Variants in TAB2 observed in about 807,000 individuals in gnomAD.
TAB2 encodes the protein TGF-beta activated kinase 1 (MAP3K7) binding protein 2.
In TAB2, 3 loss-of-function variants were observed where a neutral mutation model predicts 65.0. The ratio of observed to expected loss-of-function variants is 0.05; its 90% confidence interval spans 0.02 to 0.12. The LOEUF (loss-of-function observed/expected upper bound fraction) is 0.12. TAB2 is among the 10% of genes least tolerant of loss of function. The pLI, the probability that TAB2 is intolerant of heterozygous loss-of-function variation, is 1.00. For synonymous variants in TAB2, 298 were observed against 285.1 expected (o/e 1.05, Z -0.46); for missense variants, 623 against 840.3 (o/e 0.74, Z 3.20).
intron 1 of TAB2, among the ~76,000 whole-genome samples, chr6:149,309,185 G>A (rs9498316): frequency 0.072 from 10,991 of 152,000 alleles, 460 homozygotes; most frequent in East Asian, 0.15. Flanking sequence ...TGATATTTAA[G>A]TCATATACTT....
intron 1 of TAB2, among the ~76,000 whole-genome samples, chr6:149,322,043 TAAAGAG>T (rs1779472073): frequency 6.6e-6 from 1 of 152,106 alleles, no homozygotes; most frequent in African/African-American, 2.4e-5. Flanking sequence ...TCCTGCATAA[TAAAGAG>T]AAAGGAACTA....
intron 1 of TAB2, among the ~76,000 whole-genome samples, chr6:149,219,057 T>C (rs1420465741): frequency 1.3e-5 from 2 of 152,216 alleles, no homozygotes; most frequent in Admixed American, 1.3e-4. Flanking sequence ...AAACCCTCTT[T>C]CATTGTCACT....
chr6:149,310,701 G>A (rs1779152572), intron 1 of TAB2, among the ~76,000 whole-genome samples: 1 of 151,990 alleles, frequency 6.6e-6, no homozygotes, highest in South Asian at 2.1e-4. Context: ...GCTCAAGAAG[G>A]CCCCCAGGAG....
At chr6:149,380,901 G>A (rs62426113) in intron 3 of TAB2, among the ~76,000 whole-genome samples, 2,449 of 152,190 alleles carry the variant, frequency 0.016, 36 homozygotes, top group Non-Finnish European at 0.023. Flanking sequence ...GTGATTCTTA[G>A]TCCAAGCTGG....
At chr6:149,404,597 G>T (rs572210214) in intron 6 of TAB2, among the ~76,000 whole-genome samples, 10 of 152,264 alleles carry the variant, frequency 6.6e-5, no homozygotes, top group Non-Finnish European at 8.8e-5. Context: ...TTGACCAATG[G>T]AACAGAATAG....
chr6:149,348,016 T>G (rs1780359949), intron 1 of TAB2, among the ~76,000 whole-genome samples: 1 of 152,208 alleles, frequency 6.6e-6, no homozygotes, highest in African/African-American at 2.4e-5. Flanking sequence ...CACTTCTTTC[T>G]GTGGTAAAGG....
chr6:149,253,180 G>A (rs1237116052), intron 1 of TAB2: 3 of 152,262 alleles, frequency 2.0e-5, no homozygotes, highest in African/African-American at 7.2e-5. Context: ...GTACTTGGCT[G>A]AGGAAGGGAG....
chr6:149,378,689 T>C lies in TAB2; in HGVS notation c.774T>C (p.Thr258=), dbSNP rs368534604. 4 of 1,613,958 alleles carry C rather than the reference T, an allele frequency of 2.5e-6. No individual in the cohort carries two copies. Among genetic ancestry groups the C allele is most frequent in the Middle Eastern group, 1.6e-4 (1 of 6,062 alleles). ...CTTCACAGCCTGGTCCCTGGACTAC[T>C]TGTCCTGCATCTAATCCTCTGTCAC... is the stretch of plus-strand genomic sequence containing the variant. ...YQPSQPGPWT[T]CPASNPLSHT... is the part of the protein sequence containing the mutation. Residue 258 remains threonine, a synonymous_variant, in exon 3 of 7, where the codon ACT becomes ACC. Transcript: ENST00000637181.
chr6:149,337,138 A>G (rs1779958209), intron 1 of TAB2, among the ~76,000 whole-genome samples: 1 of 151,978 alleles, frequency 6.6e-6, no homozygotes, highest in South Asian at 2.1e-4. Flanking sequence ...TTTTTATTAG[A>G]CTCCCACTAG....
chr6:149,312,561 C>T (rs537607255), intron 1 of TAB2, among the ~76,000 whole-genome samples: 1 of 152,354 alleles, frequency 6.6e-6, no homozygotes, highest in South Asian at 2.1e-4. Context: ...TGGCGTTTCG[C>T]CATGTTGGCC....
intron 3 of TAB2, among the ~76,000 whole-genome samples, chr6:149,380,626 C>G (rs1245273211): frequency 6.6e-6 from 1 of 152,062 alleles, no homozygotes; most frequent in Non-Finnish European, 1.5e-5. Flanking sequence ...TATTCATTTT[C>G]TTGAATATTT....
At chr6:149,368,145 A>G (rs371327270) in intron 1 of TAB2, among the ~76,000 whole-genome samples, 15 of 152,290 alleles carry the variant, frequency 9.8e-5, no homozygotes, top group African/African-American at 3.6e-4. Context: ...GGATCCAGCA[A>G]AGTAAACTGA....
chr6:149,315,793 C>G (rs1433886782), upstream of TAB2, among the ~76,000 whole-genome samples: 1 of 152,208 alleles, frequency 6.6e-6, no homozygotes, highest in Non-Finnish European at 1.5e-5. Flanking sequence ...CTACATAGCT[C>G]TAAGTGCACT....
chr6:149,299,911 AG>A (rs1309142531), intron 1 of TAB2, among the ~76,000 whole-genome samples: 2 of 152,000 alleles, frequency 1.3e-5, no homozygotes, highest in Non-Finnish European at 2.9e-5. Context: ...TGGAGGTTGA[AG>A]CAGGAGGATC....
chr6:149,309,711 T>TA (rs1779134972), intron 1 of TAB2, among the ~76,000 whole-genome samples: 1 of 105,856 alleles, frequency 9.4e-6, no homozygotes, highest in African/African-American at 4.3e-5. Flanking sequence ...TTATTCCTCT[T>TA]TAAAAAAAAA....
At chr6:149,314,563 T>C (rs1583079873), upstream of TAB2, among the ~76,000 whole-genome samples, 1 of 152,338 alleles carries the variant, frequency 6.6e-6, no homozygotes, top group East Asian at 1.9e-4. Flanking sequence ...CCCTGATATC[T>C]CTTCCACTTC....
Position 149,260,730 on chromosome 6 carries a change from C to G in TAB2, c.-121+41954C>G, listed in dbSNP as rs934678412. 5.9e-5 allele frequency among the ~76,000 whole-genome samples: 9 copies of G among 152,116 alleles called. No individual in the cohort carries two copies. In the East Asian group the frequency reaches 1.3e-3, roughly 23 times the overall value. ...TCACTGAGAAGCGCTGAGAAGGGAG[C>G]CTGCTGGGTGCTGAAAGTGTGCTCT... On this transcript the variant is annotated intron_variant, in intron 1 of 1. Transcript: ENST00000606202.
chr6:149,390,643 AC>A lies in TAB2; in HGVS notation c.1604-6959del, dbSNP rs376601218. On this transcript the variant is annotated intron_variant, in intron 3 of 6. Coordinates refer to ENST00000637181, the MANE Select transcript of TAB2 (RefSeq NM_001292034.3). ...GGTAAGTACTGAGCTTTCTGTATAA[AC>A]CATTTAGAATGCTTATAGCAGTGGT... 2.4e-3 allele frequency among the ~76,000 whole-genome samples: 364 copies of A among 152,276 alleles called. 2 individuals are homozygous for A. The highest frequency in any genetic ancestry group is 8.4e-3 in the African/African-American group (350 of 41,558).
At chr6:149,293,308 T>C (rs1168707647) in intron 1 of TAB2, among the ~76,000 whole-genome samples, 1 of 152,270 alleles carries the variant, frequency 6.6e-6, no homozygotes, top group African/African-American at 2.4e-5. Flanking sequence ...TATATAAATC[T>C]ACCATCTGAT....
Sources: allele counts gnomAD v4.1 joint callset (sites outside exome capture counted in the v4.1 genomes callset), GRCh38; gene constraint gnomAD v4.1.1; transcripts MANE v1.5; gene names NCBI Gene and HGNC (gene_info 2026-07-23, HGNC 2026-07-21).